SMARCA4: variants seen among roughly 807,000 people sequenced by gnomAD.
The protein encoded by SMARCA4 is SWI/SNF-related matrix-associated actin-dependent regulator of chromatin subfamily A member 4.
In SMARCA4, 31 loss-of-function variants were observed where a neutral mutation model predicts 193.9. The ratio of observed to expected loss-of-function variants is 0.16; its 90% CI spans 0.12 to 0.22. SMARCA4 has a LOEUF of 0.22. SMARCA4 is among the 10% of genes least tolerant of loss of function. The pLI, the probability that SMARCA4 is intolerant of heterozygous loss-of-function variation, is 1.00. For missense variants in SMARCA4, 1,148 were observed against 2,296.0 expected (o/e 0.50, Z 10.22); for synonymous variants, 942 against 933.1 (o/e 1.01, Z -0.17).
chr19:11,030,897 A>G lies in SMARCA4; in HGVS notation c.3546+4A>G, dbSNP rs369960341. The G allele has an allele frequency of 1.9e-6, 3 of 1,609,544 alleles. No homozygotes were observed. The highest frequency in any genetic ancestry group is 2.2e-5 in the South Asian group (2 of 90,356). On this transcript the variant is annotated splice_donor_region_variant and intron_variant, in intron 25 of 34. Coordinates refer to ENST00000344626, the MANE Select transcript of SMARCA4 (RefSeq NM_003072.5). The surrounding 1 kb of genome is among the most constrained non-coding windows in gnomAD (Gnocchi z 5.5). Reference sequence around the variant, plus strand: ...CAGCGACTGGAATCCTCACCAGGTAAAAGCGGGCCGGGCCCCAGGTCGAGG... The same window carrying G: ...CAGCGACTGGAATCCTCACCAGGTAGAAGCGGGCCGGGCCCCAGGTCGAGG...
rs1555788260 is a variant in SMARCA4 at position 11,041,431 on chromosome 19, A to G, written c.4295A>G (p.Asp1432Gly). Residue 1432 changes from aspartate (D) to glycine (G), a missense_variant, in exon 30 of 35, where the codon GAC becomes GGC. This residue lies in a region of SMARCA4 where 141 missense variants were observed against 193.0 expected (regional missense o/e 0.73). Transcript: ENST00000344626. This position sits in a 1 kb window ranked among gnomAD's most constrained non-coding sequence, Gnocchi z 5.6. ...STPTTSTRSRDKDDESKKQKK... is the reference protein window; with the variant it reads ...STPTTSTRSRGKDDESKKQKK... ...CCGACCACCAGCACCCGCAGCCGCG[A>G]CAAGGACGACGAGAGCAAGAAGCAG... 1 of 1,612,568 alleles carries G rather than the reference A, an allele frequency of 6.2e-7. No individual in the cohort carries two copies. The highest frequency in any genetic ancestry group is 8.5e-7 in the Non-Finnish European group (1 of 1,179,946).
rs529034482 is a variant in SMARCA4, at chr19:10,973,890, A to G, written c.-31-10231A>G. The stretch of plus-strand genomic sequence containing the variant: ...CGGCCTGGAGGTTTTCTTATAGACC[A>G]CCGAGGGGAACATTTTGTTTTGTAG... On this transcript the variant is annotated intron_variant, in intron 1 of 34. Coordinates refer to ENST00000344626, the MANE Select transcript of SMARCA4 (RefSeq NM_003072.5). 3.9e-5 allele frequency among the ~76,000 whole-genome samples: 6 copies of G among 152,094 alleles called. No homozygotes were observed. In the East Asian group the frequency reaches 1.2e-3, roughly 29 times the overall value.
Position 10,974,033 on chromosome 19 carries a change from T to A in SMARCA4, c.-31-10088T>A, listed in dbSNP as rs139588470. ...TTGGTCTGCTGCTGAAATGTGTCCG[T>A]GAACAAATTTCCCCAAGCCCCAAAA... On this transcript the variant is annotated intron_variant, in intron 1 of 34. Transcript: ENST00000344626. 3.3e-5 allele frequency among the ~76,000 whole-genome samples: 5 copies of A among 152,272 alleles called. No individual in the cohort carries two copies. The East Asian group carries it at 9.6e-4, about 29-fold the overall frequency.
intron 13 of SMARCA4, 24 bp downstream of exon 13, chr19:11,003,421 C>G (rs2087852345): frequency 6.2e-7 from 1 of 1,606,956 alleles, no homozygotes; most frequent in Non-Finnish European, 8.5e-7. Flanking sequence ...TCCTGGCTTT[C>G]AAGGCTCTCA....
rs576001993 is a variant in SMARCA4, at chr19:10,987,613, C to T, written c.860-53C>T. The T allele has an allele frequency of 2.9e-5, 47 of 1,608,162 alleles. No homozygotes were observed. Among genetic ancestry groups the T allele is most frequent in the African/African-American group, 1.2e-4 (9 of 74,900 alleles). On this transcript the variant is annotated intron_variant, in intron 5 of 34. Coordinates refer to ENST00000344626, the MANE Select transcript of SMARCA4 (RefSeq NM_003072.5). The surrounding 1 kb of genome is among the most constrained non-coding windows in gnomAD (Gnocchi z 5.3). ...GCTCAGCAGCTTTCCATTTCCAGCCCGGGATGGGCCCCAGAGCTCAACATG... is the reference window on the plus strand; with the variant it reads ...GCTCAGCAGCTTTCCATTTCCAGCCTGGGATGGGCCCCAGAGCTCAACATG...
chr19:11,010,027 T>A (rs1485332664), intron 14 of SMARCA4, among the ~76,000 whole-genome samples: 1 of 152,052 alleles, frequency 6.6e-6, no homozygotes, highest in Admixed American at 6.6e-5. Context: ...GGTTTCACCA[T>A]GTTGGCCAGG....
chr19:11,060,219 G>A, intron 34 of SMARCA4, 32 bp downstream of exon 34: 1 of 1,550,060 alleles, frequency 6.5e-7, no homozygotes, highest in Non-Finnish European at 8.7e-7. Context: ...GGCAGAGCTG[G>A]CATGTGGCAG....
intron 11 of SMARCA4, among the ~76,000 whole-genome samples, chr19:10,997,820 G>A (rs1332572930): frequency 6.6e-6 from 1 of 152,100 alleles, no homozygotes; most frequent in Non-Finnish European, 1.5e-5. Context: ...ACGTGACAGC[G>A]CCTTACCTCC....
rs377057502 is a variant in SMARCA4, at chr19:10,986,151, T to C, written c.356-38T>C. On this transcript the variant is annotated intron_variant, in intron 3 of 34. Transcript: ENST00000344626. The surrounding 1 kb of genome is among the most constrained non-coding windows in gnomAD (Gnocchi z 6.7). ...AGAGGCTGTAAAAATCACAGACATA[T>C]GCTGCCGAGTGACCAGTGGGCTGAC... 84 of 1,535,342 alleles carry C rather than the reference T, an allele frequency of 5.5e-5. No individual in the cohort carries two copies. In the African/African-American group the frequency reaches 1.0e-3, roughly 18 times the overall value.
chr19:10,966,759 G>A (rs2084253014), intron 1 of SMARCA4, among the ~76,000 whole-genome samples: 1 of 152,128 alleles, frequency 6.6e-6, no homozygotes, highest in Non-Finnish European at 1.5e-5. Context: ...ATGGTGGTGT[G>A]CGCCTGTAGT....
chr19:11,028,045 G>A, intron 24 of SMARCA4, 95 bp downstream of exon 24: 1 of 1,374,470 alleles, frequency 7.3e-7, no homozygotes, highest in Non-Finnish European at 1.0e-6. Context: ...GAGGCAGGGT[G>A]AGGCCCAGGC....
At chr19:11,057,574 C>A (rs1419160938) in intron 30 of SMARCA4, among the ~76,000 whole-genome samples, 5 of 151,868 alleles carry the variant, frequency 3.3e-5, no homozygotes, top group Non-Finnish European at 7.4e-5. Flanking sequence ...ACTAAAAATA[C>A]AAAAATTAGC....
chr19:11,048,184 T>G (rs965727806), intron 30 of SMARCA4, among the ~76,000 whole-genome samples: 1 of 152,082 alleles, frequency 6.6e-6, no homozygotes, highest in Non-Finnish European at 1.5e-5. Flanking sequence ...TTTGAATTGC[T>G]CCTTTCCAAG....
At chr19:11,060,269 G>A (rs946499064) in intron 34 of SMARCA4, 82 bp downstream of exon 34, 17 of 1,497,450 alleles carry the variant, frequency 1.1e-5, no homozygotes, top group East Asian at 7.4e-5. Flanking sequence ...CCTGTGGGGC[G>A]GTGCTCCCAC....
intron 1 of SMARCA4, among the ~76,000 whole-genome samples, chr19:10,978,919 A>G (rs569298694): frequency 6.6e-6 from 1 of 152,108 alleles, no homozygotes. Context: ...ACTGCACTCC[A>G]GCTTGGGTGA....
intron 1 of SMARCA4, among the ~76,000 whole-genome samples, chr19:10,970,703 C>T (rs946853058): frequency 3.3e-5 from 5 of 152,156 alleles, no homozygotes; most frequent in Admixed American, 6.6e-5. Flanking sequence ...TGCATCTGGC[C>T]GATAAAGTCC....
rs79380990 is a variant in SMARCA4 at position 11,022,049 on chromosome 19, C to T, written c.2859+82C>T. ...GTTGGAACGTGTTGAGCACCAGCTACAGCTGGCTGGGCCTGTGCTGGGTGC... is the reference window on the plus strand; with the variant it reads ...GTTGGAACGTGTTGAGCACCAGCTATAGCTGGCTGGGCCTGTGCTGGGTGC... On this transcript the variant is annotated intron_variant, in intron 19 of 34. Transcript: ENST00000344626. The T allele has an allele frequency of 6.6e-4, 1,045 of 1,588,374 alleles. 6 individuals are homozygous for T. In the African/African-American group the frequency reaches 0.013, roughly 19 times the overall value.
At chr19:10,994,792 TGA>T in intron 8 of SMARCA4, 34 bp from the exon 9 acceptor site, 2 of 1,596,708 alleles carry the variant, frequency 1.3e-6, no homozygotes, top group Non-Finnish European at 1.7e-6. Context: ...ACCATGCTGC[TGA>T]AGGGTCAGCC....
At chr19:10,995,302 A>AC in intron 9 of SMARCA4, 1 of 568,010 alleles carries the variant, frequency 1.8e-6, no homozygotes. Context: ...TGTGATCCAG[A>AC]CCCCCGACCC....
Sources: gnomAD v4.1 joint callset for allele counts (sites outside exome capture counted in the v4.1 genomes callset) on GRCh38, gnomAD v4.1.1 for gene constraint, gnomAD v4.1.1 regional missense constraint, Gnocchi (gnomAD v3.1) non-coding constraint, MANE v1.5 for transcripts, NCBI Gene and HGNC (gene_info 2026-07-23, HGNC 2026-07-21) for gene names.